CLCN3: variants seen among roughly 807,000 people sequenced by gnomAD.
The protein encoded by CLCN3 is H(+)/Cl(-) exchange transporter 3.
In CLCN3, 16 loss-of-function variants were observed where a neutral mutation model predicts 83.4. The observed-to-expected ratio is 0.19, with a 90% confidence interval of 0.13 to 0.29. The LOEUF is 0.29. Among genes scored for constraint, CLCN3 ranks in the 10% least tolerant of loss-of-function variants. The pLI, the probability that CLCN3 is intolerant of heterozygous loss-of-function variation, is 1.00. For missense variants in CLCN3, 544 were observed against 1,006.0 expected, an observed-to-expected ratio of 0.54 and a Z score of 6.21; for synonymous variants, 322 against 346.2, an observed-to-expected ratio of 0.93 and a Z score of 0.78.
At chr4:169,708,991 A>T (rs1295821403) in intron 11 of CLCN3, among the ~76,000 whole-genome samples, 1 of 148,422 alleles carries the variant, frequency 6.7e-6, no homozygotes, top group African/African-American at 2.4e-5. Flanking sequence ...TAACTTTTAT[A>T]TGGGAGAGAT....
chr4:169,664,846 C>T (rs984232813), intron 2 of CLCN3, among the ~76,000 whole-genome samples: 1 of 152,248 alleles, frequency 6.6e-6, no homozygotes, highest in East Asian at 1.9e-4. Flanking sequence ...GATTTCCTGC[C>T]GCATTGATTA....
chr4:169,708,459 G>A (rs1304752593), intron 11 of CLCN3, among the ~76,000 whole-genome samples: 3 of 152,158 alleles, frequency 2.0e-5, no homozygotes, highest in African/African-American at 7.2e-5. Flanking sequence ...CAGAGCTGAT[G>A]ACATAGTATT....
chr4:169,666,263 A>G (rs1055938778), intron 2 of CLCN3, among the ~76,000 whole-genome samples: 2 of 152,240 alleles, frequency 1.3e-5, no homozygotes, highest in African/African-American at 2.4e-5. Context: ...GTACATATCT[A>G]TATACTATGT....
intron 11 of CLCN3, among the ~76,000 whole-genome samples, chr4:169,708,376 A>T (rs933809936): frequency 6.6e-6 from 1 of 152,194 alleles, no homozygotes; most frequent in Non-Finnish European, 1.5e-5. Context: ...GGAACAGGCT[A>T]CAGCTTTGGA....
intron 2 of CLCN3, among the ~76,000 whole-genome samples, chr4:169,664,142 G>A (rs1191401372): frequency 6.6e-6 from 1 of 152,198 alleles, no homozygotes; most frequent in Admixed American, 6.5e-5. Context: ...GCTTTGTTGT[G>A]AGTCAGTAGA....
chr4:169,688,304 A>C (rs1732238341), intron 4 of CLCN3, among the ~76,000 whole-genome samples: 1 of 152,218 alleles, frequency 6.6e-6, no homozygotes, highest in Non-Finnish European at 1.5e-5. Context: ...TCACCCTGCT[A>C]TACAGCGTGG....
intron 10 of CLCN3, 73 bp from the exon 11 acceptor site, chr4:169,706,795 G>C (rs1733010915): frequency 3.7e-6 from 5 of 1,349,182 alleles, no homozygotes; most frequent in Non-Finnish European, 5.1e-6. Context: ...TAACTGCCTA[G>C]TGCAAAAATT....
chr4:169,691,600 T>G (rs1336402759), intron 6 of CLCN3, among the ~76,000 whole-genome samples: 1 of 152,216 alleles, frequency 6.6e-6, no homozygotes, highest in Non-Finnish European at 1.5e-5. Flanking sequence ...GTATTGATCT[T>G]TAAGTTTGTA....
chr4:169,713,372 G>A lies in CLCN3; in HGVS notation c.2366+77G>A. ...TTTAGTGGAATCTATATAGTTATTAGGGGAGCATGTGAGTCAGCTCCCAGG... is the reference window on the plus strand; with the variant it reads ...TTTAGTGGAATCTATATAGTTATTAAGGGAGCATGTGAGTCAGCTCCCAGG... On this transcript the variant is annotated intron_variant, in intron 12 of 12. Transcript: ENST00000513761. 4.3e-6 allele frequency: 5 copies of A among 1,174,520 alleles called. No individual in the cohort carries two copies. In the South Asian group the frequency reaches 6.3e-5, roughly 15 times the overall value. The allele number at this position is 1,174,520 out of a possible 1,614,324, so 72.8% of individuals were successfully genotyped here. A position where few individuals can be genotyped will look rare whatever the true frequency, so the allele number is the denominator to read the frequency against.
chr4:169,710,533 T>G (rs1046965506), intron 11 of CLCN3, among the ~76,000 whole-genome samples: 1 of 152,212 alleles, frequency 6.6e-6, no homozygotes, highest in African/African-American at 2.4e-5. Context: ...CCTGAAGTGC[T>G]GGGATTACAA....
intron 1 of CLCN3, among the ~76,000 whole-genome samples, chr4:169,634,103 A>AT (rs1214650901): frequency 1.3e-5 from 2 of 152,258 alleles, no homozygotes; most frequent in South Asian, 4.1e-4. Context: ...TATGAAATTA[A>AT]TTTTTTTAAC....
intron 2 of CLCN3, among the ~76,000 whole-genome samples, chr4:169,655,416 T>C (rs1274309438): frequency 6.6e-6 from 1 of 152,228 alleles, no homozygotes; most frequent in Non-Finnish European, 1.5e-5. Flanking sequence ...GAGAAACTCC[T>C]TCAAAAGGAA....
At chr4:169,689,317 T>A in intron 5 of CLCN3, 87 bp downstream of exon 5, 1 of 1,139,500 alleles carries the variant, frequency 8.8e-7, no homozygotes, top group East Asian at 2.6e-5. Context: ...AATCACATAT[T>A]AGATGATTAC....
At chr4:169,623,647 A>T (rs541312450) in intron 1 of CLCN3, among the ~76,000 whole-genome samples, 4 of 151,560 alleles carry the variant, frequency 2.6e-5, no homozygotes, top group African/African-American at 9.7e-5. Flanking sequence ...TCTTTGACTA[A>T]CCTCTCTCCT....
At chr4:169,654,292 T>TC (rs1351137484) in intron 2 of CLCN3, among the ~76,000 whole-genome samples, 1 of 151,860 alleles carries the variant, frequency 6.6e-6, no homozygotes, top group African/African-American at 2.4e-5. Flanking sequence ...CCCCTTGCCC[T>TC]CCCCCATCTT....
chr4:169,650,580 G>T (rs563240367), intron 2 of CLCN3, among the ~76,000 whole-genome samples: 30 of 152,304 alleles, frequency 2.0e-4, no homozygotes, highest in African/African-American at 7.0e-4. Flanking sequence ...CAGAGTTTTT[G>T]TAAGAAATTC....
rs192743358 is a variant in CLCN3, at chr4:169,630,232, C to G, written c.-16-5681C>G. On this transcript the variant is annotated intron_variant, in intron 1 of 12. Coordinates refer to ENST00000513761, the MANE Select transcript of CLCN3 (RefSeq NM_001829.4). ...TTTGGGGTACAGTTGTACCCATTAC[C>G]CAGGAAGTGGGTATAGTGCTCAACA... Among the ~76,000 whole-genome samples, 34 of 152,218 alleles carry G rather than the reference C, an allele frequency of 2.2e-4. No individual in the cohort carries two copies. In the East Asian group the frequency reaches 6.6e-3, roughly 29 times the overall value.
At position 169,720,224 on chromosome 4, in the gene CLCN3, G is replaced by A. The variant is rs1332645305; in HGVS notation, c.*227G>A. 19 of 624,500 alleles carry A rather than the reference G, an allele frequency of 3.0e-5. No individual in the cohort carries two copies. The highest frequency in any genetic ancestry group is 1.5e-4 in the South Asian group (7 of 47,882). The allele number at this position is 624,500 out of a possible 1,614,324, so 38.7% of individuals were successfully genotyped here. A position where few individuals can be genotyped will look rare whatever the true frequency, so the allele number is the denominator to read the frequency against. Reference sequence around the variant, plus strand: ...GAAGGAAAGGAGTGAGGTATTTCCCGTCTAACAGAAAGCAGCGTATCAACT... The same window carrying A: ...GAAGGAAAGGAGTGAGGTATTTCCCATCTAACAGAAAGCAGCGTATCAACT... On this transcript the variant is annotated 3_prime_UTR_variant, in exon 13 of 13. Transcript: ENST00000513761.
intron 2 of CLCN3, among the ~76,000 whole-genome samples, chr4:169,678,590 G>A (rs1731775882): frequency 6.6e-6 from 1 of 151,950 alleles, no homozygotes; most frequent in Admixed American, 6.6e-5. Context: ...TGTGTCCCTG[G>A]GTACTTGAGA....
Sources: gnomAD v4.1 joint callset for allele counts (sites outside exome capture counted in the v4.1 genomes callset) on GRCh38, gnomAD v4.1.1 for gene constraint, MANE v1.5 for transcripts, NCBI Gene and HGNC (gene_info 2026-07-23, HGNC 2026-07-21) for gene names.